SETBP1: variants seen among roughly 807,000 people sequenced by gnomAD.
The protein encoded by SETBP1 is SET binding protein 1.
A neutral mutation model predicts 101.0 loss-of-function variants in SETBP1; 9 were observed. That is an observed-to-expected ratio of 0.09 (90% confidence interval 0.05 to 0.16). SETBP1 has a LOEUF of 0.16. SETBP1 is among the 10% of genes least tolerant of loss of function. SETBP1 has a pLI of 1.00. For synonymous variants in SETBP1, 818 were observed against 788.5 expected (o/e 1.04, Z -0.63); for missense variants, 1,858 against 2,033.8 (o/e 0.91, Z 1.66).
chr18:44,878,016 A>G (rs2069448461), intron 3 of SETBP1, among the ~76,000 whole-genome samples: 1 of 152,214 alleles, frequency 6.6e-6, no homozygotes, highest in Non-Finnish European at 1.5e-5. Context: ...GAGAAAATTG[A>G]TAGATGACAG....
intron 2 of SETBP1, among the ~76,000 whole-genome samples, chr18:44,803,456 G>A (rs2071653121): frequency 6.6e-6 from 1 of 152,120 alleles, no homozygotes. Flanking sequence ...AGGACAGAAT[G>A]TGCTTCTTAG....
intron 4 of SETBP1, among the ~76,000 whole-genome samples, chr18:45,033,230 C>T (rs2073332564): frequency 6.6e-6 from 1 of 152,164 alleles, no homozygotes; most frequent in Non-Finnish European, 1.5e-5. Context: ...ATGTCATTTA[C>T]TGGTTTACCC....
chr18:44,921,642 G>T (rs2070582508), intron 3 of SETBP1, among the ~76,000 whole-genome samples: 1 of 152,128 alleles, frequency 6.6e-6, no homozygotes, highest in South Asian at 2.1e-4. Flanking sequence ...TCATTGCTTG[G>T]ATCTGCGCTA....
At chr18:44,749,193 T>G (rs1449896916) in intron 2 of SETBP1, among the ~76,000 whole-genome samples, 1 of 152,224 alleles carries the variant, frequency 6.6e-6, no homozygotes, top group African/African-American at 2.4e-5. Flanking sequence ...CTGCAGCACT[T>G]ATAAGATATC....
intron 2 of SETBP1, among the ~76,000 whole-genome samples, chr18:44,825,490 AT>A (rs986902418): frequency 1.3e-5 from 2 of 152,348 alleles, no homozygotes; most frequent in African/African-American, 4.8e-5. Context: ...AGTAGATAAT[AT>A]TTTTTAAGAG....
intron 4 of SETBP1, 96 bp from the exon 5 acceptor site, chr18:45,038,389 C>A (rs995819050): frequency 5.3e-6 from 6 of 1,128,030 alleles, no homozygotes; most frequent in Non-Finnish European, 8.0e-6. Flanking sequence ...GTGTTCAAAT[C>A]ATTTGACCAT....
At chr18:44,984,797 A>G (rs542999011) in intron 4 of SETBP1, among the ~76,000 whole-genome samples, 1 of 152,324 alleles carries the variant, frequency 6.6e-6, no homozygotes, top group African/African-American at 2.4e-5. Flanking sequence ...TAAAGTTTAC[A>G]TGCTTAATTT....
intron 2 of SETBP1, among the ~76,000 whole-genome samples, chr18:44,773,602 G>A (rs1201423636): frequency 1.3e-5 from 2 of 152,094 alleles, no homozygotes; most frequent in Non-Finnish European, 2.9e-5. Flanking sequence ...AGTGGTAGTG[G>A]GATATTAGAG....
At chr18:44,923,171 A>G (rs1271522031) in intron 3 of SETBP1, among the ~76,000 whole-genome samples, 1 of 117,836 alleles carries the variant, frequency 8.5e-6, no homozygotes, top group Admixed American at 1.0e-4. Flanking sequence ...TTGAGGAAAC[A>G]TAGAGAGATG....
At chr18:44,829,458 A>G (rs969927603) in intron 2 of SETBP1, among the ~76,000 whole-genome samples, 2 of 152,204 alleles carry the variant, frequency 1.3e-5, no homozygotes, top group African/African-American at 4.8e-5. Context: ...TTTTGAAAAA[A>G]TAAACTGCTT....
chr18:44,769,015 T>C (rs1195963578), intron 2 of SETBP1, among the ~76,000 whole-genome samples: 5 of 151,918 alleles, frequency 3.3e-5, no homozygotes, highest in Non-Finnish European at 7.4e-5. Flanking sequence ...AGGTGGGAGG[T>C]ACACTAAAAT....
Position 44,953,142 on chromosome 18 carries a change from G to C in SETBP1, c.3802G>C (p.Gly1268Arg). 6.2e-7 allele frequency: 1 copy of C among 1,614,104 alleles called. No individual in the cohort carries two copies. The highest frequency in any genetic ancestry group is 8.5e-7 in the Non-Finnish European group (1 of 1,180,022). Reference protein sequence around the residue: ...SCTKRYSGSGGDGGSTRSENL... With the variant: ...SCTKRYSGSGRDGGSTRSENL... Reference sequence around the variant, plus strand: ...CACGAAAAGATACTCTGGCAGTGGCGGGGATGGTGGCAGCACGAGATCAGA... The same window carrying C: ...CACGAAAAGATACTCTGGCAGTGGCCGGGATGGTGGCAGCACGAGATCAGA... The change falls in exon 4 of 6, where the codon GGG (glycine) becomes CGG (arginine). Residue 1268 changes from glycine (G) to arginine (R), a missense_variant. This residue lies in a region of SETBP1 where 417 missense variants were observed against 389.1 expected (regional missense o/e 1.07). Coordinates refer to ENST00000649279, the MANE Select transcript of SETBP1 (RefSeq NM_015559.3).
chr18:44,710,456 T>TG (rs1468341821), intron 2 of SETBP1, among the ~76,000 whole-genome samples: 1 of 149,440 alleles, frequency 6.7e-6, no homozygotes, highest in East Asian at 2.0e-4. Context: ...AGGAGTTTTT[T>TG]TTTTTTTTTT....
chr18:44,740,314 C>T (rs574830860), intron 2 of SETBP1, among the ~76,000 whole-genome samples: 2 of 152,122 alleles, frequency 1.3e-5, no homozygotes, highest in Non-Finnish European at 2.9e-5. Flanking sequence ...CACATTGTGG[C>T]CATTACAGTG....
At chr18:44,704,305 T>C (rs2069174071) in intron 2 of SETBP1, among the ~76,000 whole-genome samples, 1 of 152,210 alleles carries the variant, frequency 6.6e-6, no homozygotes, top group Non-Finnish European at 1.5e-5. Context: ...GGGAAAGAAA[T>C]AAAATTGCTT....
At chr18:44,773,826 C>G (rs1262802048) in intron 2 of SETBP1, among the ~76,000 whole-genome samples, 11 of 69,040 alleles carry the variant, frequency 1.6e-4, no homozygotes, top group Admixed American at 6.8e-4. Context: ...CTCTCTCTGT[C>G]TCTCTCTGTT....
chr18:44,805,698 C>T (rs1313042242), intron 2 of SETBP1, among the ~76,000 whole-genome samples: 1 of 152,058 alleles, frequency 6.6e-6, no homozygotes, highest in East Asian at 1.9e-4. Context: ...TCCTTGATGG[C>T]AGAGACTGTC....
At chr18:44,737,432 C>T (rs2069993892) in intron 2 of SETBP1, among the ~76,000 whole-genome samples, 1 of 152,142 alleles carries the variant, frequency 6.6e-6, no homozygotes, top group Admixed American at 6.5e-5. Context: ...GACATATATA[C>T]ACACACACCC....
chr18:44,737,655 A>T (rs1470073259), intron 2 of SETBP1, among the ~76,000 whole-genome samples: 2 of 152,222 alleles, frequency 1.3e-5, no homozygotes, highest in Non-Finnish European at 2.9e-5. Context: ...CTGTAGGATG[A>T]AGGCATTAGG....
Sources: allele counts gnomAD v4.1 joint callset (sites outside exome capture counted in the v4.1 genomes callset), GRCh38; gene constraint gnomAD v4.1.1; regional missense constraint gnomAD v4.1.1; transcripts MANE v1.5; gene names NCBI Gene and HGNC (gene_info 2026-07-23, HGNC 2026-07-21).